The following CAMK4 variants were observed in gnomAD, a reference collection of about 807,000 sequenced individuals.
The protein encoded by CAMK4 is calcium/calmodulin-dependent protein kinase type IV.
A neutral mutation model predicts 44.9 loss-of-function variants in CAMK4; 22 were observed. The ratio of observed to expected loss-of-function variants is 0.49; its 90% CI spans 0.35 to 0.70. CAMK4 has a LOEUF of 0.70. CAMK4 is among the 30% of genes least tolerant of loss of function. CAMK4 has a pLI of 0.01. For missense variants in CAMK4, 498 were observed against 586.8 expected (o/e 0.85, Z 1.56); for synonymous variants, 218 against 215.4 (o/e 1.01, Z -0.11).
chr5:111,225,013 T>TG (rs1350282584), intron 1 of CAMK4, among the ~76,000 whole-genome samples: 1 of 152,056 alleles, frequency 6.6e-6, no homozygotes, highest in African/African-American at 2.4e-5. Context: ...TTGTTTAGGG[T>TG]GGGGGCCGGA....
intron 1 of CAMK4, among the ~76,000 whole-genome samples, chr5:111,270,480 C>T (rs1348852313): frequency 6.6e-6 from 1 of 152,200 alleles, no homozygotes; most frequent in Non-Finnish European, 1.5e-5. Context: ...TAGCTACACA[C>T]CTGATACTAT....
chr5:111,311,839 G>T (rs1049567476), intron 1 of CAMK4, among the ~76,000 whole-genome samples: 2 of 152,126 alleles, frequency 1.3e-5, no homozygotes, highest in African/African-American at 4.8e-5. Context: ...TGGGTAATTT[G>T]TCAGTCTTCC....
chr5:111,480,456 A>C (rs1156934824), intron 9 of CAMK4, among the ~76,000 whole-genome samples: 1 of 152,078 alleles, frequency 6.6e-6, no homozygotes, highest in Non-Finnish European at 1.5e-5. Context: ...TTATATATTT[A>C]ATGGTCCTCC....
In CAMK4 at chr5:111,485,234, G is replaced by A. The variant is rs1202243449; in HGVS notation, c.*768G>A. On this transcript the variant is annotated 3_prime_UTR_variant, in exon 11 of 11. Coordinates refer to ENST00000282356, the MANE Select transcript of CAMK4 (RefSeq NM_001744.6). ...TGACTTTCTGATAGACAAAGCTTAG[G>A]GTGTAATAAACAGGGAAGAAAAGAA... 6.6e-6 allele frequency: 1 copy of A among 152,034 alleles called. No homozygotes were observed. Among genetic ancestry groups the A allele is most frequent in the African/African-American group, 2.4e-5 (1 of 41,398 alleles). 9.4% of individuals were successfully genotyped at this position (152,034 alleles called of 1,614,324 possible).
intron 1 of CAMK4, among the ~76,000 whole-genome samples, chr5:111,288,503 T>C (rs1751322931): frequency 6.6e-6 from 1 of 152,252 alleles, no homozygotes. Context: ...CATTTTAATT[T>C]ATATTTTTCT....
intron 1 of CAMK4, among the ~76,000 whole-genome samples, chr5:111,271,732 T>C (rs1008429992): frequency 1.3e-5 from 2 of 152,198 alleles, no homozygotes; most frequent in African/African-American, 2.4e-5. Flanking sequence ...TTTCATAGGC[T>C]TGTACTTCAT....
chr5:111,356,590 C>T (rs1246018929), intron 2 of CAMK4, among the ~76,000 whole-genome samples: 41 of 152,112 alleles, frequency 2.7e-4, no homozygotes, highest in African/African-American at 9.4e-4. Context: ...TGCCTGTGTC[C>T]TGAATGGTAT....
chr5:111,480,432 A>G (rs1192606571), intron 9 of CAMK4, among the ~76,000 whole-genome samples: 5 of 152,130 alleles, frequency 3.3e-5, no homozygotes, highest in Non-Finnish European at 5.9e-5. Flanking sequence ...TCCCCAGTTC[A>G]TAACAGTCAT....
intron 1 of CAMK4, among the ~76,000 whole-genome samples, chr5:111,332,680 T>C (rs1749220960): frequency 6.6e-6 from 1 of 151,596 alleles, no homozygotes; most frequent in Non-Finnish European, 1.5e-5. Context: ...AGCATAAAGA[T>C]GCAGGGTGAG....
At chr5:111,440,159 T>C (rs1423750664) in intron 5 of CAMK4, among the ~76,000 whole-genome samples, 1 of 152,012 alleles carries the variant, frequency 6.6e-6, no homozygotes, top group Non-Finnish European at 1.5e-5. Flanking sequence ...CATACTAATG[T>C]GATGCAAGGG....
chr5:111,385,466 T>C (rs760092528), intron 4 of CAMK4, among the ~76,000 whole-genome samples: 1 of 151,964 alleles, frequency 6.6e-6, no homozygotes, highest in African/African-American at 2.4e-5. Flanking sequence ...AGCATCTTAG[T>C]CTCAATTTTA....
chr5:111,340,910 G>C (rs1580618743), intron 1 of CAMK4, among the ~76,000 whole-genome samples: 1 of 150,618 alleles, frequency 6.6e-6, no homozygotes, highest in Admixed American at 6.6e-5. Flanking sequence ...GGTCTGTTCA[G>C]ATTTTCTATT....
Position 111,494,775 on chromosome 5 carries a change from C to G in CAMK4, c.*10309C>G, listed in dbSNP as rs976411893. On this transcript the variant is annotated 3_prime_UTR_variant, in exon 11 of 11. Transcript: ENST00000282356. ...GCCAATGTTACTTGGTGTAAGTTCA[C>G]TCAGACAGACATGTCAGAACATGCC... is the stretch of plus-strand genomic sequence containing the variant. 3 of 152,154 alleles carry G rather than the reference C, an allele frequency of 2.0e-5. No homozygotes were observed. The highest frequency in any genetic ancestry group is 6.5e-5 in the Admixed American group (1 of 15,270). 9.4% of individuals were successfully genotyped at this position (152,154 alleles called of 1,614,324 possible). A position where few individuals can be genotyped will look rare whatever the true frequency, so the allele number is the denominator to read the frequency against.
intron 2 of CAMK4, among the ~76,000 whole-genome samples, chr5:111,370,448 C>A (rs1326560139): frequency 6.6e-6 from 1 of 151,958 alleles, no homozygotes; most frequent in Non-Finnish European, 1.5e-5. Flanking sequence ...TTACATTGAT[C>A]AGAAATATCT....
At chr5:111,388,748 C>A (rs897388763) in intron 4 of CAMK4, among the ~76,000 whole-genome samples, 2 of 152,170 alleles carry the variant, frequency 1.3e-5, no homozygotes, top group Non-Finnish European at 2.9e-5. Flanking sequence ...CAGCACATAA[C>A]AGTCTCTCCG....
chr5:111,350,984 A>G (rs1287657761), intron 2 of CAMK4, among the ~76,000 whole-genome samples: 2 of 152,122 alleles, frequency 1.3e-5, no homozygotes, highest in African/African-American at 4.8e-5. Context: ...AATCTCCAGG[A>G]TGTCTCCATT....
intron 6 of CAMK4, among the ~76,000 whole-genome samples, chr5:111,448,546 A>G (rs6594513): frequency 1 from 152,253 of 152,348 alleles, 76,081 homozygotes; most frequent in Non-Finnish European, 1. Context: ...GGGGGCTCAC[A>G]CCTGTAATCC....
At chr5:111,346,482 T>TTGTCTATCTATCTATC (rs1749869157) in intron 2 of CAMK4, among the ~76,000 whole-genome samples, 2 of 149,918 alleles carry the variant, frequency 1.3e-5, no homozygotes, top group South Asian at 2.1e-4. Context: ...GCTTGAAACT[T>TTGTCTATCTATCTATC]TATCTATCTA....
chr5:111,459,380 G>T (rs1280002782), intron 7 of CAMK4, among the ~76,000 whole-genome samples: 1 of 152,106 alleles, frequency 6.6e-6, no homozygotes, highest in Non-Finnish European at 1.5e-5. Context: ...GTTTGGGAGT[G>T]TTCACAAAAG....
Sources: allele counts gnomAD v4.1 joint callset (sites outside exome capture counted in the v4.1 genomes callset), GRCh38; gene constraint gnomAD v4.1.1; transcripts MANE v1.5; gene names NCBI Gene and HGNC (gene_info 2026-07-23, HGNC 2026-07-21).